VCPIP1: variants seen among roughly 807,000 people sequenced by gnomAD.
The protein encoded by VCPIP1 is valosin containing protein interacting protein 1.
VCPIP1 carries 8 observed loss-of-function variants against 85.0 expected under a neutral mutation model. The observed-to-expected ratio is 0.09, with a 90% CI of 0.06 to 0.17. The LOEUF (loss-of-function observed/expected upper bound fraction) is 0.17. Among genes scored for constraint, VCPIP1 ranks in the 10% least tolerant of loss-of-function variants. The pLI is 1.00. For synonymous variants in VCPIP1, 543 were observed against 544.5 expected (o/e 1.00, Z 0.04); for missense variants, 1,070 against 1,486.3 (o/e 0.72, Z 4.61).
At position 66,665,127 on chromosome 8, in the gene VCPIP1, T is replaced by G; in HGVS notation, c.1832A>C (p.Gln611Pro). 1 of 1,612,904 alleles carries G rather than the reference T, an allele frequency of 6.2e-7. No homozygotes were observed. The highest frequency in any genetic ancestry group is 1.7e-5 in the Admixed American group (1 of 59,912). Residue 611 changes from glutamine (Q) to proline (P), a missense_variant, in exon 1 of 3, where the codon CAG (glutamine) becomes CCG (proline). Gln to Pro is a moderately conservative substitution (Grantham distance 76, BLOSUM62 -1). Around this residue, in one of 8 missense-constraint regions of VCPIP1, gnomAD observed 123 missense variants for 156.3 expected, o/e 0.79. Coordinates refer to ENST00000310421, the MANE Select transcript of VCPIP1 (RefSeq NM_025054.5). This position sits in a 1 kb window ranked among gnomAD's most constrained non-coding sequence, Gnocchi z 4.3. ...ATTCAAAGATGAATCACTTTCATAC[T>G]GGAACCAATATACTGTTTCTCTGAC... is the stretch of plus-strand genomic sequence containing the variant. ...RVVRETVYWF[Q>P]YESDSSLNSN...
rs1297667302 is a variant in VCPIP1, at chr8:66,630,884, C to T, written c.*3617G>A. ...ATAGTTCCCCTTTGTTGTTTTATTT[C>T]TTAAATATACATTCTACTAAGGAAT... On this transcript the variant is annotated 3_prime_UTR_variant, in exon 3 of 3. Coordinates refer to ENST00000310421, the MANE Select transcript of VCPIP1 (RefSeq NM_025054.5). 6.6e-6 allele frequency: 1 copy of T among 152,372 alleles called. No homozygotes were observed. Among genetic ancestry groups the T allele is most frequent in the Non-Finnish European group, 1.5e-5 (1 of 67,932 alleles). The allele number at this position is 152,372 out of a possible 1,614,324, so 9.4% of individuals were successfully genotyped here. A position where few individuals can be genotyped will look rare whatever the true frequency, so the allele number is the denominator to read the frequency against.
intron 2 of VCPIP1, among the ~76,000 whole-genome samples, chr8:66,643,858 AAAGATCAACAGCCAGAATGGACAGCC>A: frequency 6.6e-6 from 1 of 151,338 alleles, no homozygotes; most frequent in Non-Finnish European, 1.5e-5. Context: ...GTTTCTTTGA[AAAGATCAACAGCCAGAATGGACAGCC>A]AAAAAAAAAA....
intron 2 of VCPIP1, among the ~76,000 whole-genome samples, chr8:66,637,295 A>G (rs1042211060): frequency 6.6e-6 from 1 of 152,052 alleles, no homozygotes; most frequent in Non-Finnish European, 1.5e-5. Flanking sequence ...GGCTGCAGTG[A>G]GCTATTACTG....
At position 66,631,161 on chromosome 8, in the gene VCPIP1, A is replaced by G. The variant is rs1307522972; in HGVS notation, c.*3340T>C. 6.6e-6 allele frequency: 1 copy of G among 152,156 alleles called. No homozygotes were observed. The highest frequency in any genetic ancestry group is 2.4e-5 in the African/African-American group (1 of 41,456). 9.4% of individuals were successfully genotyped at this position (152,156 alleles called of 1,614,324 possible). On this transcript the variant is annotated 3_prime_UTR_variant, in exon 3 of 3. Transcript: ENST00000310421. ...TGGAAACCTTGCTTTGAGAACCATA[A>G]AACTCAAAATCTGTGTAGTATTTTA... is the stretch of plus-strand genomic sequence containing the variant.
Position 66,664,230 on chromosome 8 carries a change from A to C in VCPIP1, c.2710+19T>G, listed in dbSNP as rs1811184240. The C allele has an allele frequency of 1.3e-6, 2 of 1,525,680 alleles. No homozygotes were observed. Among genetic ancestry groups the C allele is most frequent in the Non-Finnish European group, 8.8e-7 (1 of 1,135,584 alleles). 94.5% of individuals were successfully genotyped at this position (1,525,680 alleles called of 1,614,324 possible). A position where few individuals can be genotyped will look rare whatever the true frequency, so the allele number is the denominator to read the frequency against. ...ATATTTACAATTAAGATATACCATC[A>C]GAATTAAATTCATCTTACCCATTAA... is the stretch of plus-strand genomic sequence containing the variant. On this transcript the variant is annotated intron_variant, in intron 1 of 2. Coordinates refer to ENST00000310421, the MANE Select transcript of VCPIP1 (RefSeq NM_025054.5).
At chr8:66,658,487 A>G (rs1013945792) in intron 1 of VCPIP1, among the ~76,000 whole-genome samples, 6 of 151,426 alleles carry the variant, frequency 4.0e-5, no homozygotes, top group African/African-American at 1.5e-4. Context: ...TGATTCTGGA[A>G]AATTCTTTTT....
intron 1 of VCPIP1, among the ~76,000 whole-genome samples, chr8:66,652,486 C>A (rs767833144): frequency 1.2e-4 from 19 of 152,132 alleles, no homozygotes; most frequent in Non-Finnish European, 2.5e-4. Flanking sequence ...TGGTGGCGTG[C>A]ACCTGTAGTT....
chr8:66,638,480 CAAAAAA>C (rs34135306), intron 2 of VCPIP1, among the ~76,000 whole-genome samples: 1 of 118,752 alleles, frequency 8.4e-6, no homozygotes, highest in African/African-American at 3.4e-5. Context: ...AACCCCATCT[CAAAAAA>C]AAAAAAAAAA....
rs1046649486 is a variant in VCPIP1 at position 66,635,019 on chromosome 8, C to A, written c.3151G>T (p.Val1051Leu). The stretch of plus-strand genomic sequence containing the variant: ...TCTGTCCCTGTATTATGCTTTCTTA[C>A]AACTGAAGTTTCCCTAGCTCTTGGA... Reference protein sequence around the residue: ...LDPRARETSVVRKHNTGTDFS... With the variant: ...LDPRARETSVLRKHNTGTDFS... The change falls in exon 3 of 3, where the codon GTA becomes TTA. Residue 1051 changes from valine (V) to leucine (L), a missense_variant. This residue lies in a region of VCPIP1 where 255 missense variants were observed against 289.5 expected (regional missense o/e 0.88). Transcript: ENST00000310421. 1 of 1,613,572 alleles carries A rather than the reference C, an allele frequency of 6.2e-7. No homozygotes were observed. The highest frequency in any genetic ancestry group is 8.5e-7 in the Non-Finnish European group (1 of 1,179,628).
intron 1 of VCPIP1, among the ~76,000 whole-genome samples, chr8:66,651,920 C>T (rs1241101265): frequency 6.6e-6 from 1 of 151,254 alleles, no homozygotes; most frequent in African/African-American, 2.4e-5. Flanking sequence ...TGGCTCATGC[C>T]TGTAACCCCA....
chr8:66,655,926 T>C (rs1242225380), intron 1 of VCPIP1, among the ~76,000 whole-genome samples: 2 of 152,144 alleles, frequency 1.3e-5, no homozygotes, highest in Non-Finnish European at 2.9e-5. Context: ...CTGCCTTGCT[T>C]CCACAAATCC....
Position 66,664,694 on chromosome 8 carries a change from T to C in VCPIP1, c.2265A>G (p.Pro755=), listed in dbSNP as rs762855372. The change falls in exon 1 of 3, where the codon CCA becomes CCG. Residue 755 remains proline, a synonymous_variant. Transcript: ENST00000310421. ...TGGTAGGTGTAGCAGGTGCAGAGGATGGACCATCACGAATGGTACTGGGAG... is the reference window on the plus strand; with the variant it reads ...TGGTAGGTGTAGCAGGTGCAGAGGACGGACCATCACGAATGGTACTGGGAG... ...TVSPSTIRDG[P]SSAPATPTKA... 3.1e-6 allele frequency: 5 copies of C among 1,613,828 alleles called. No individual in the cohort carries two copies. In the South Asian group the frequency reaches 4.4e-5, roughly 14 times the overall value.
chr8:66,658,358 G>C (rs1442634755), intron 1 of VCPIP1, among the ~76,000 whole-genome samples: 1 of 141,386 alleles, frequency 7.1e-6, no homozygotes, highest in East Asian at 2.1e-4. Flanking sequence ...AAAAAAAGAA[G>C]AATATGCATA....
Position 66,667,103 on chromosome 8 carries a change from A to G in VCPIP1, c.-145T>C. 7.2e-7 allele frequency: 1 copy of G among 1,394,980 alleles called. No homozygotes were observed. The highest frequency in any genetic ancestry group is 9.3e-7 in the Non-Finnish European group (1 of 1,076,400). The allele number at this position is 1,394,980 out of a possible 1,614,324, so 86.4% of individuals were successfully genotyped here. A position where few individuals can be genotyped will look rare whatever the true frequency, so the allele number is the denominator to read the frequency against. On this transcript the variant is annotated 5_prime_UTR_variant, in exon 1 of 3. Coordinates refer to ENST00000310421, the MANE Select transcript of VCPIP1 (RefSeq NM_025054.5). The stretch of plus-strand genomic sequence containing the variant: ...TACCAGCTCTTCCTCCTCCTAAGCG[A>G]AGGCGGAAGCGCCGGACGTTGTTTC...
chr8:66,635,990 A>G lies in VCPIP1; in HGVS notation c.2798-618T>C, dbSNP rs375180172. ...ATGCATATAATCCCAGCACTTTGGG[A>G]GGCAGACAGGTGGATCACTTGAGGT... On this transcript the variant is annotated intron_variant, in intron 2 of 2. Transcript: ENST00000310421. Among the ~76,000 whole-genome samples the G allele has an allele frequency of 1.3e-4, 19 of 149,448 alleles. 1 individual carries two copies. Among genetic ancestry groups the G allele is most frequent in the East Asian group, 7.9e-4 (4 of 5,044 alleles).
Position 66,664,916 on chromosome 8 carries a change from T to G in VCPIP1, c.2043A>C (p.Gly681=). ...AHAQRVGDVQ[G]QESESQLPTK... is the part of the protein sequence containing the mutation. ...TTGGGAGCTGAGACTCTGATTCTTGTCCTTGAACATCTCCAACTCTTTGGG... is the reference window on the plus strand; with the variant it reads ...TTGGGAGCTGAGACTCTGATTCTTGGCCTTGAACATCTCCAACTCTTTGGG... Residue 681 remains glycine (G), a synonymous_variant, in exon 1 of 3, where the codon GGA becomes GGC. Coordinates refer to ENST00000310421, the MANE Select transcript of VCPIP1 (RefSeq NM_025054.5). 1 of 1,614,204 alleles carries G rather than the reference T, an allele frequency of 6.2e-7. No homozygotes were observed. Among genetic ancestry groups the G allele is most frequent in the Admixed American group, 1.7e-5 (1 of 60,032 alleles).
At chr8:66,642,791 C>A in intron 2 of VCPIP1, among the ~76,000 whole-genome samples, 1 of 151,870 alleles carries the variant, frequency 6.6e-6, no homozygotes, top group East Asian at 1.9e-4. Flanking sequence ...CATCCCCATG[C>A]CACCCCCTTA....
intron 2 of VCPIP1, among the ~76,000 whole-genome samples, chr8:66,645,868 T>C (rs754185049): frequency 3.6e-4 from 55 of 151,732 alleles, no homozygotes; most frequent in Non-Finnish European, 7.2e-4. Flanking sequence ...AGGTCAACGA[T>C]GCAGTAAACT....
At chr8:66,663,451 C>G (rs1349116689) in intron 1 of VCPIP1, among the ~76,000 whole-genome samples, 1 of 152,168 alleles carries the variant, frequency 6.6e-6, no homozygotes, top group Non-Finnish European at 1.5e-5. Flanking sequence ...GTAAAGCATA[C>G]TAAGTTATTT....
Sources: gnomAD v4.1 joint callset for allele counts (sites outside exome capture counted in the v4.1 genomes callset) on GRCh38, gnomAD v4.1.1 for gene constraint, gnomAD v4.1.1 regional missense constraint, Gnocchi (gnomAD v3.1) non-coding constraint, MANE v1.5 for transcripts, NCBI Gene and HGNC (gene_info 2026-07-23, HGNC 2026-07-21) for gene names.